HNRNPC: variants seen among roughly 807,000 people sequenced by gnomAD.
HNRNPC encodes heterogeneous nuclear ribonucleoprotein C.
A neutral mutation model predicts 33.2 loss-of-function variants in HNRNPC; 3 were observed. That is an observed-to-expected ratio of 0.09 (90% CI 0.04 to 0.23). The LOEUF is 0.23. Ranked by LOEUF, HNRNPC falls within the 10% of genes least tolerant of loss-of-function variation. The probability of loss-of-function intolerance (pLI) is 1.00; values close to 1 mark genes in which losing one functional copy is unlikely to be tolerated. For synonymous variants in HNRNPC, 121 were observed against 126.7 expected, an observed-to-expected ratio of 0.96 and a Z score of 0.30; for missense variants, 143 against 366.7, an observed-to-expected ratio of 0.39 and a Z score of 4.98.
chr14:21,232,341 TATA>T (rs1894208192), intron 3 of HNRNPC, among the ~76,000 whole-genome samples: 1 of 152,078 alleles, frequency 6.6e-6, no homozygotes, highest in Admixed American at 6.6e-5. Flanking sequence ...TGCCCCAAAA[TATA>T]AATTCCAAAT....
In HNRNPC at chr14:21,209,909, A is replaced by G. The variant is rs542280726; in HGVS notation, c.*1314T>C. The G allele has an allele frequency of 6.6e-6, 1 of 152,344 alleles. No individual in the cohort carries two copies. The highest frequency in any genetic ancestry group is 2.1e-4 in the South Asian group (1 of 4,832). 9.4% of individuals were successfully genotyped at this position (152,344 alleles called of 1,614,324 possible). A position where few individuals can be genotyped will look rare whatever the true frequency, so the allele number is the denominator to read the frequency against. ...TCTTACAACTGGATGCTAAAAATGC[A>G]ATCACTGTAATTAATAAAGTTGAGG... On this transcript the variant is annotated 3_prime_UTR_variant, in exon 9 of 9. Coordinates refer to ENST00000553300, the MANE Select transcript of HNRNPC (RefSeq NM_004500.4).
In HNRNPC at chr14:21,248,730, A is replaced by T. The variant is rs72675022; in HGVS notation, c.-36-14501T>A. ...AACAAGCAAATACATTTTTAATTACAGTGTCTACTGCAAGCAATGGTCAAA... is the reference window on the plus strand; with the variant it reads ...AACAAGCAAATACATTTTTAATTACTGTGTCTACTGCAAGCAATGGTCAAA... On this transcript the variant is annotated intron_variant, in intron 2 of 8. Transcript: ENST00000553300. Among the ~76,000 whole-genome samples the T allele has an allele frequency of 5.1e-3, 772 of 152,306 alleles. 2 individuals are homozygous for T. Among genetic ancestry groups the T allele is most frequent in the Admixed American group, 7.5e-3 (115 of 15,268 alleles).
intron 5 of HNRNPC, among the ~76,000 whole-genome samples, chr14:21,217,972 G>C (rs1056694924): frequency 6.6e-6 from 1 of 152,076 alleles, no homozygotes; most frequent in African/African-American, 2.4e-5. Flanking sequence ...GTAACAGGCA[G>C]GTTGCTTGAG....
intron 3 of HNRNPC, among the ~76,000 whole-genome samples, chr14:21,233,148 TAA>T (rs1316835855): frequency 6.6e-6 from 1 of 152,098 alleles, no homozygotes; most frequent in Non-Finnish European, 1.5e-5. Context: ...TGAAACCATA[TAA>T]AGTGTTTCAA....
At chr14:21,236,346 T>A (rs1315826001) in intron 2 of HNRNPC, 3 of 152,200 alleles carry the variant, frequency 2.0e-5, no homozygotes, top group African/African-American at 7.2e-5. Context: ...AAAGTTTGCC[T>A]AAAATTAATA....
Position 21,209,688 on chromosome 14 carries a change from T to C in HNRNPC, c.*1535A>G, listed in dbSNP as rs1594182900. ...AATAAGACATGAGTTTTGCCTGTAA[T>C]GAGTAGGATGAAAAAAGGCCAGTGC... On this transcript the variant is annotated 3_prime_UTR_variant, in exon 9 of 9. Transcript: ENST00000553300. The C allele has an allele frequency of 1.3e-5, 2 of 152,118 alleles. No homozygotes were observed. The highest frequency in any genetic ancestry group is 1.3e-4 in the Admixed American group (2 of 15,270). The allele number at this position is 152,118 out of a possible 1,614,324, so 9.4% of individuals were successfully genotyped here. A position where few individuals can be genotyped will look rare whatever the true frequency, so the allele number is the denominator to read the frequency against.
intron 1 of HNRNPC, chr14:21,264,908 T>G (rs1278996541): frequency 6.6e-6 from 1 of 152,076 alleles, no homozygotes; most frequent in African/African-American, 2.4e-5. Flanking sequence ...TCCCAGCTAC[T>G]TAGCAGTCTG....
chr14:21,266,919 C>G (rs1477055151), intron 1 of HNRNPC, among the ~76,000 whole-genome samples: 1 of 149,398 alleles, frequency 6.7e-6, no homozygotes, highest in East Asian at 2.0e-4. Flanking sequence ...GGTGAAACCC[C>G]GTCTCTACTA....
At chr14:21,268,796 T>C (rs1156689537) in intron 1 of HNRNPC, 1 of 152,222 alleles carries the variant, frequency 6.6e-6, no homozygotes, top group African/African-American at 2.4e-5. Flanking sequence ...AATAAAAAGT[T>C]ATCAGTAAAA....
intron 1 of HNRNPC, among the ~76,000 whole-genome samples, chr14:21,268,177 T>C (rs1879332028): frequency 6.6e-6 from 1 of 152,164 alleles, no homozygotes; most frequent in Non-Finnish European, 1.5e-5. Flanking sequence ...TAAACAATTT[T>C]TTTTAACTTT....
At chr14:21,247,591 A>C (rs1896129012) in intron 2 of HNRNPC, among the ~76,000 whole-genome samples, 1 of 152,198 alleles carries the variant, frequency 6.6e-6, no homozygotes, top group Admixed American at 6.5e-5. Flanking sequence ...ATGTTTAAAA[A>C]AATAAATCAA....
At chr14:21,214,804 G>T (rs1396898964) in intron 5 of HNRNPC, among the ~76,000 whole-genome samples, 2 of 152,204 alleles carry the variant, frequency 1.3e-5, no homozygotes, top group African/African-American at 4.8e-5. Context: ...CATATCCTTT[G>T]TGAGAGATGG....
intron 2 of HNRNPC, among the ~76,000 whole-genome samples, chr14:21,256,133 G>T (rs1877156791): frequency 6.6e-6 from 1 of 152,140 alleles, no homozygotes; most frequent in African/African-American, 2.4e-5. Context: ...CAGCCATTAG[G>T]TTGTTTGTTT....
intron 1 of HNRNPC, among the ~76,000 whole-genome samples, chr14:21,268,224 T>C (rs567497081): frequency 9.8e-5 from 15 of 152,316 alleles, no homozygotes; most frequent in African/African-American, 2.2e-4. Context: ...CAGCAAATAA[T>C]AGGCACTGTT....
chr14:21,230,278 T>C (rs1184952083), intron 5 of HNRNPC, 41 bp downstream of exon 5: 1 of 1,417,872 alleles, frequency 7.1e-7, no homozygotes, highest in African/African-American at 1.4e-5. Flanking sequence ...TGGTTCTCAC[T>C]AAATAGCTGT....
At position 21,210,942 on chromosome 14, in the gene HNRNPC, A is replaced by G. The variant is rs1891528454; in HGVS notation, c.*281T>C. ...ATTATTTTGGAGACAGTTGATAAAAACCATACATCCTTTTTATTGTTAAGT... is the reference window on the plus strand; with the variant it reads ...ATTATTTTGGAGACAGTTGATAAAAGCCATACATCCTTTTTATTGTTAAGT... On this transcript the variant is annotated 3_prime_UTR_variant, in exon 9 of 9. Transcript: ENST00000553300. 1 of 436,880 alleles carries G rather than the reference A, an allele frequency of 2.3e-6. No individual in the cohort carries two copies. The highest frequency in any genetic ancestry group is 3.7e-5 in the Admixed American group (1 of 26,696). The allele number at this position is 436,880 out of a possible 1,614,324, so 27.1% of individuals were successfully genotyped here. A position where few individuals can be genotyped will look rare whatever the true frequency, so the allele number is the denominator to read the frequency against.
chr14:21,246,318 G>A (rs1895973983), intron 2 of HNRNPC, among the ~76,000 whole-genome samples: 1 of 152,096 alleles, frequency 6.6e-6, no homozygotes, highest in Admixed American at 6.6e-5. Flanking sequence ...CCAGCACTTT[G>A]GAAGGCCGAG....
chr14:21,231,196 G>T, intron 3 of HNRNPC, 124 bp from the exon 4 acceptor site: 1 of 924,380 alleles, frequency 1.1e-6, no homozygotes, highest in Non-Finnish European at 1.7e-6. Context: ...GTGCAGTGGT[G>T]TCACCTTGGC....
intron 4 of HNRNPC, 49 bp from the exon 5 acceptor site, chr14:21,230,415 T>C: frequency 2.2e-6 from 3 of 1,387,314 alleles, no homozygotes; most frequent in South Asian, 1.2e-5. Context: ...TTTCTACTAA[T>C]TCACAATGTC....
Sources: allele counts gnomAD v4.1 joint callset (sites outside exome capture counted in the v4.1 genomes callset), GRCh38; gene constraint gnomAD v4.1.1; transcripts MANE v1.5; gene names NCBI Gene and HGNC (gene_info 2026-07-23, HGNC 2026-07-21).